The following AUTS2 variants were observed in gnomAD, a reference collection of about 807,000 sequenced individuals.
The protein encoded by AUTS2 is autism susceptibility gene 2 protein.
In AUTS2, 17 loss-of-function variants were observed where a neutral mutation model predicts 112.4. The ratio of observed to expected loss-of-function variants is 0.15; its 90% CI spans 0.10 to 0.23. AUTS2 has a LOEUF of 0.23. AUTS2 is among the 10% of genes least tolerant of loss of function. The pLI, the probability that AUTS2 is intolerant of heterozygous loss-of-function variation, is 1.00. For synonymous variants in AUTS2, 751 were observed against 702.7 expected (o/e 1.07, Z -1.09); for missense variants, 1,510 against 1,701.6 (o/e 0.89, Z 1.98).
chr7:70,412,565 C>G (rs899227196), intron 4 of AUTS2, among the ~76,000 whole-genome samples: 3 of 152,220 alleles, frequency 2.0e-5, no homozygotes, highest in Non-Finnish European at 4.4e-5. Flanking sequence ...AAGTGAGAGC[C>G]TCTGACAGCT....
At position 69,664,389 on chromosome 7, in the gene AUTS2, A is replaced by C. The variant is rs771435069; in HGVS notation, c.309+64427A>C. 4.5e-4 allele frequency among the ~76,000 whole-genome samples: 69 copies of C among 152,242 alleles called. 1 individual carries two copies. The highest frequency in any genetic ancestry group is 2.1e-3 in the Admixed American group (32 of 15,282). On this transcript the variant is annotated intron_variant, in intron 1 of 18. Transcript: ENST00000342771. ...AGGGAAAAAAATGAGTTTTGCCTAC[A>C]TGCATTAAACCAATAAGGCTGGCAA...
At chr7:70,127,772 C>A (rs1806055698) in intron 3 of AUTS2, among the ~76,000 whole-genome samples, 1 of 152,164 alleles carries the variant, frequency 6.6e-6, no homozygotes, top group Admixed American at 6.5e-5. Context: ...TAGCTATTTA[C>A]AGTTGAGACA....
intron 1 of AUTS2, among the ~76,000 whole-genome samples, chr7:69,655,436 T>C (rs1320858110): frequency 6.6e-6 from 1 of 152,208 alleles, no homozygotes; most frequent in Non-Finnish European, 1.5e-5. Flanking sequence ...GTTCTCAAAT[T>C]ATGGTCCCCA....
intron 6 of AUTS2, among the ~76,000 whole-genome samples, chr7:70,727,705 C>G (rs1399624144): frequency 6.6e-6 from 1 of 152,188 alleles, no homozygotes; most frequent in African/African-American, 2.4e-5. Context: ...GATAAAAAGA[C>G]TTTCTTAATC....
At chr7:70,687,128 A>G (rs1439991115) in intron 5 of AUTS2, among the ~76,000 whole-genome samples, 1 of 152,210 alleles carries the variant, frequency 6.6e-6, no homozygotes, top group Non-Finnish European at 1.5e-5. Flanking sequence ...CAGGATGCGT[A>G]CCTGGACTTA....
At chr7:70,300,161 T>C (rs1362834897) in intron 4 of AUTS2, among the ~76,000 whole-genome samples, 3 of 152,326 alleles carry the variant, frequency 2.0e-5, no homozygotes, top group Non-Finnish European at 1.5e-5. Flanking sequence ...TCTTTTGGCT[T>C]CCTTGGGCTA....
chr7:70,564,342 G>A (rs971531295), intron 5 of AUTS2, among the ~76,000 whole-genome samples: 1 of 152,144 alleles, frequency 6.6e-6, no homozygotes, highest in Non-Finnish European at 1.5e-5. Flanking sequence ...TTAGATGCTC[G>A]AGTAATTATC....
intron 2 of AUTS2, among the ~76,000 whole-genome samples, chr7:69,953,602 C>T (rs1233861489): frequency 1.3e-5 from 2 of 152,164 alleles, no homozygotes; most frequent in African/African-American, 4.8e-5. Context: ...GAGACCCAGC[C>T]TTCTGTTTAT....
intron 2 of AUTS2, among the ~76,000 whole-genome samples, chr7:70,089,880 G>A (rs1360973886): frequency 1.3e-5 from 2 of 151,942 alleles, no homozygotes; most frequent in Non-Finnish European, 2.9e-5. Flanking sequence ...GGTGGTAGGC[G>A]CCTGTAGTCC....
At chr7:70,154,468 T>C (rs1232965867) in intron 4 of AUTS2, among the ~76,000 whole-genome samples, 1 of 152,214 alleles carries the variant, frequency 6.6e-6, no homozygotes, top group Non-Finnish European at 1.5e-5. Flanking sequence ...ATGGTAACAA[T>C]TGAAACTTGA....
At chr7:69,869,569 A>T (rs1584365874) in intron 1 of AUTS2, among the ~76,000 whole-genome samples, 1 of 152,082 alleles carries the variant, frequency 6.6e-6, no homozygotes, top group South Asian at 2.1e-4. Flanking sequence ...TGTACAGAAG[A>T]AGTTCTTGAA....
intron 7 of AUTS2, 147 bp from the exon 8 acceptor site, chr7:70,764,605 G>A (rs1278724803): frequency 9.7e-6 from 6 of 617,932 alleles, no homozygotes; most frequent in Non-Finnish European, 1.8e-5. Flanking sequence ...TTCAGAAAGT[G>A]TGCTCGTACA....
At chr7:70,472,778 A>C (rs1210656479) in intron 5 of AUTS2, among the ~76,000 whole-genome samples, 1 of 152,062 alleles carries the variant, frequency 6.6e-6, no homozygotes, top group Non-Finnish European at 1.5e-5. Context: ...TGTTCTTACC[A>C]CTCTGTCATC....
chr7:69,646,637 T>C (rs752808459), intron 1 of AUTS2, among the ~76,000 whole-genome samples: 4 of 152,232 alleles, frequency 2.6e-5, no homozygotes, highest in Non-Finnish European at 5.9e-5. Context: ...CAGACCAATG[T>C]GGGTAATTTT....
intron 6 of AUTS2, among the ~76,000 whole-genome samples, chr7:70,719,206 C>A (rs1585565768): frequency 6.6e-6 from 1 of 152,164 alleles, no homozygotes; most frequent in East Asian, 1.9e-4. Context: ...ACACTCACCC[C>A]ATGCTACATC....
chr7:69,951,996 A>G (rs1352254971), intron 2 of AUTS2, among the ~76,000 whole-genome samples: 1 of 152,158 alleles, frequency 6.6e-6, no homozygotes, highest in Non-Finnish European at 1.5e-5. Context: ...TGTGATTTTT[A>G]CTCGATTTAC....
At chr7:70,665,451 CTATTTATTTATT>C (rs140760249) in intron 5 of AUTS2, among the ~76,000 whole-genome samples, 3 of 147,016 alleles carry the variant, frequency 2.0e-5, no homozygotes, top group African/African-American at 5.1e-5. Context: ...ATCTATTTAT[CTATTTATTTATT>C]TATTTATTTA....
chr7:70,004,384 AT>A (rs927335861), intron 2 of AUTS2, among the ~76,000 whole-genome samples: 2 of 120,820 alleles, frequency 1.7e-5, no homozygotes, highest in East Asian at 2.2e-4. Context: ...TCATATATAT[AT>A]TATATATATG....
chr7:70,672,676 C>T (rs556636201), intron 5 of AUTS2, among the ~76,000 whole-genome samples: 2 of 152,194 alleles, frequency 1.3e-5, no homozygotes, highest in Non-Finnish European at 2.9e-5. Context: ...AATCTCAGCT[C>T]GCTGCAACCT....
Sources: allele counts gnomAD v4.1 joint callset (sites outside exome capture counted in the v4.1 genomes callset), GRCh38; gene constraint gnomAD v4.1.1; transcripts MANE v1.5; gene names NCBI Gene and HGNC (gene_info 2026-07-23, HGNC 2026-07-21).